Variants in TASP1 observed in about 807,000 individuals in gnomAD.
TASP1 encodes the protein threonine aspartase 1.
In TASP1, 16 loss-of-function variants were observed where a neutral mutation model predicts 56.6. The observed-to-expected ratio is 0.28, with a 90% CI of 0.19 to 0.43. The LOEUF (loss-of-function observed/expected upper bound fraction) is 0.43. Among genes scored for constraint, TASP1 ranks in the 20% least tolerant of loss-of-function variants. The pLI, the probability that TASP1 is intolerant of heterozygous loss-of-function variation, is 1.00. For synonymous variants in TASP1, 179 were observed against 184.2 expected (o/e 0.97, Z 0.23); for missense variants, 393 against 511.6 (o/e 0.77, Z 2.24).
At chr20:13,130,476 C>A in the TASP1 span, among the ~76,000 whole-genome samples, 2 of 152,212 alleles carry the variant, frequency 1.3e-5, no homozygotes, top group Non-Finnish European at 2.9e-5. Flanking sequence ...CAAAGCCATA[C>A]GCTTCAAAGA....
chr20:13,549,024 A>G (rs1035715247), intron 8 of TASP1, among the ~76,000 whole-genome samples: 4 of 152,122 alleles, frequency 2.6e-5, no homozygotes, highest in Non-Finnish European at 5.9e-5. Context: ...TTGACAATGA[A>G]TATGTATTAA....
the TASP1 span, among the ~76,000 whole-genome samples, chr20:13,207,492 C>T: frequency 6.6e-6 from 1 of 152,134 alleles, no homozygotes; most frequent in Non-Finnish European, 1.5e-5. Flanking sequence ...TTGGCTTATG[C>T]AATTATGCAG....
chr20:13,204,963 A>G, the TASP1 span, among the ~76,000 whole-genome samples: 1 of 152,010 alleles, frequency 6.6e-6, no homozygotes, highest in East Asian at 1.9e-4. Context: ...CTCCCCTCCA[A>G]GAGAGACCTC....
Position 13,433,841 on chromosome 20 carries a change from T to TAAAAAAAA in TASP1, c.1096+1195_1096+1202dup, listed in dbSNP as rs111973613. On this transcript the variant is annotated intron_variant, in intron 12 of 13. Coordinates refer to ENST00000337743, the MANE Select transcript of TASP1 (RefSeq NM_017714.3). ...CGTGGATGACCTATAGTGTTTGTAT[T>TAAAAAAAA]AAAAAAAAAAAAAAAAAAACAGAAG... Among the ~76,000 whole-genome samples, 377 of 116,112 alleles carry TAAAAAAAA rather than the reference T, an allele frequency of 3.2e-3. 8 individuals carry two copies. Among genetic ancestry groups the TAAAAAAAA allele is most frequent in the African/African-American group, 0.011 (327 of 29,816 alleles). 76.2% of individuals were successfully genotyped at this position (116,112 alleles called of 152,430 possible).
chr20:13,312,409 T>A, the TASP1 span, among the ~76,000 whole-genome samples: 2 of 152,198 alleles, frequency 1.3e-5, no homozygotes, highest in African/African-American at 4.8e-5. Flanking sequence ...CCTACCAGCC[T>A]TGCTGGTTCC....
the TASP1 span, among the ~76,000 whole-genome samples, chr20:13,171,155 G>T: frequency 6.6e-6 from 1 of 152,086 alleles, no homozygotes; most frequent in Non-Finnish European, 1.5e-5. Flanking sequence ...TCCCCTTAAT[G>T]TGTCTGTTTT....
the TASP1 span, among the ~76,000 whole-genome samples, chr20:13,217,357 T>TA: frequency 3.9e-5 from 6 of 152,166 alleles, no homozygotes; most frequent in East Asian, 1.9e-4. Context: ...CTTTCCATAG[T>TA]AAAAAAAATT....
the TASP1 span, among the ~76,000 whole-genome samples, chr20:13,315,359 C>T: frequency 2.0e-5 from 3 of 151,970 alleles, no homozygotes; most frequent in African/African-American, 7.2e-5. Context: ...ACATGTTATG[C>T]TTGCACCAAT....
chr20:13,344,583 T>C, the TASP1 span, among the ~76,000 whole-genome samples: 2 of 152,192 alleles, frequency 1.3e-5, no homozygotes, highest in African/African-American at 4.8e-5. Flanking sequence ...ATGCTGTCTT[T>C]ATTCTCTCAA....
the TASP1 span, among the ~76,000 whole-genome samples, chr20:13,302,607 G>A: frequency 6.6e-6 from 1 of 152,220 alleles, no homozygotes; most frequent in African/African-American, 2.4e-5. Flanking sequence ...GAATGAGCAA[G>A]GCCACTTCCA....
chr20:13,597,186 G>T (rs1381318661), intron 4 of TASP1, among the ~76,000 whole-genome samples: 1 of 152,142 alleles, frequency 6.6e-6, no homozygotes, highest in Non-Finnish European at 1.5e-5. Context: ...ATTTTATGAG[G>T]CCAGCATCAT....
chr20:13,609,988 T>C (rs566982161), intron 4 of TASP1, among the ~76,000 whole-genome samples: 4 of 152,288 alleles, frequency 2.6e-5, no homozygotes, highest in East Asian at 3.9e-4. Context: ...AAAAACATTA[T>C]TCTAAGCGAA....
chr20:13,581,449 A>C (rs893585324), intron 5 of TASP1, among the ~76,000 whole-genome samples: 2 of 152,212 alleles, frequency 1.3e-5, no homozygotes, highest in African/African-American at 4.8e-5. Flanking sequence ...AGAAAAATTA[A>C]TGGGGGAAAA....
the TASP1 span, among the ~76,000 whole-genome samples, chr20:13,357,681 C>T: frequency 4.9e-4 from 74 of 152,256 alleles, no homozygotes; most frequent in African/African-American, 1.5e-3. Flanking sequence ...TATATACCCA[C>T]GCAAAGACTT....
chr20:13,374,442 G>C, the TASP1 span, among the ~76,000 whole-genome samples: 159 of 151,992 alleles, frequency 1.0e-3, no homozygotes, highest in African/African-American at 3.6e-3. Flanking sequence ...CTGCCTCCCG[G>C]GGTTCACACC....
chr20:13,391,658 A>G (rs547323456), intron 13 of TASP1, among the ~76,000 whole-genome samples: 1 of 152,274 alleles, frequency 6.6e-6, no homozygotes, highest in Admixed American at 6.5e-5. Flanking sequence ...GCTTATCTCC[A>G]GAGTTCTTTT....
In TASP1 at chr20:13,534,031, T is replaced by C. The variant is rs750274127; in HGVS notation, c.786A>G (p.Arg262=). 1 of 1,612,206 alleles carries C rather than the reference T, an allele frequency of 6.2e-7. No individual in the cohort carries two copies. Among genetic ancestry groups the C allele is most frequent in the Middle Eastern group, 1.7e-4 (1 of 6,040 alleles). The change falls in exon 9 of 14, where the codon AGA becomes AGG. Residue 262 remains arginine (R), a synonymous_variant. Transcript: ENST00000337743. Reference sequence around the variant, plus strand: ...ACCCATAATTACTTACCTGCCCAACTCTCCCCGGATGTTTCAAGGCCAAGC... The same window carrying C: ...ACCCATAATTACTTACCTGCCCAACCCTCCCCGGATGTTTCAAGGCCAAGC... ...SGGLALKHPG[R]VGQAALYGCG...
At chr20:13,109,739 T>G in the TASP1 span, among the ~76,000 whole-genome samples, 1 of 152,212 alleles carries the variant, frequency 6.6e-6, no homozygotes, top group Non-Finnish European at 1.5e-5. Flanking sequence ...ACACGATTGA[T>G]GAGTGGTATT....
At chr20:13,377,345 C>T in the TASP1 span, among the ~76,000 whole-genome samples, 13 of 152,112 alleles carry the variant, frequency 8.5e-5, no homozygotes, top group African/African-American at 3.1e-4. Context: ...TGGTTTTTGC[C>T]ATTGGTTCTG....
Sources: allele counts gnomAD v4.1 joint callset (sites outside exome capture counted in the v4.1 genomes callset), GRCh38; gene constraint gnomAD v4.1.1; transcripts MANE v1.5; gene names NCBI Gene and HGNC (gene_info 2026-07-23, HGNC 2026-07-21).